Variants in GAS2L2 observed in about 807,000 individuals in gnomAD.
GAS2L2 encodes the protein growth arrest specific 2 like 2.
A neutral mutation model predicts 35.2 loss-of-function variants in GAS2L2; 21 were observed. The observed-to-expected ratio is 0.60, with a 90% CI of 0.42 to 0.86. The LOEUF is 0.86. Among genes scored for constraint, GAS2L2 ranks in the 40% least tolerant of loss-of-function variants. The pLI is 0.00. For synonymous variants in GAS2L2, 490 were observed against 473.2 expected, an observed-to-expected ratio of 1.04 and a Z score of -0.46; for missense variants, 1,169 against 1,144.4, an observed-to-expected ratio of 1.02 and a Z score of -0.31.
rs781977154 is a variant in GAS2L2 at position 35,752,534 on chromosome 17, C to G, written c.317G>C (p.Gly106Ala). 38 of 1,612,586 alleles carry G rather than the reference C, an allele frequency of 2.4e-5. No individual in the cohort carries two copies. Among genetic ancestry groups the G allele is most frequent in the Non-Finnish European group, 3.0e-5 (35 of 1,178,884 alleles). The change falls in exon 1 of 6, where the codon GGT becomes GCT. Residue 106 changes from glycine to alanine, a missense_variant. By Grantham distance (60) the Gly-to-Ala change is moderately conservative. Transcript: ENST00000604641. The stretch of plus-strand genomic sequence containing the variant: ...GACATTGTCCCTGGCCTGGAAGGTA[C>G]CTGGCTGGGCGGCCCCATTGCAGGA... The part of the protein sequence containing the change: ...GVSCNGAAQP[G>A]TFQARDNVSN...
chr17:35,751,108 C>T (rs1006349786), intron 1 of GAS2L2, among the ~76,000 whole-genome samples: 3 of 152,138 alleles, frequency 2.0e-5, no homozygotes, highest in Non-Finnish European at 2.9e-5. Flanking sequence ...GGCACAACAT[C>T]CAGTCTCATC....
chr17:35,751,452 T>G (rs1984667), intron 1 of GAS2L2, among the ~76,000 whole-genome samples: 51,391 of 151,900 alleles, frequency 0.34, 10,679 homozygotes, highest in African/African-American at 0.59. Context: ...CGGATCACTT[T>G]AGGTCAGGAG....
Position 35,745,098 on chromosome 17 carries a change from G to C in GAS2L2, c.2399C>G (p.Ala800Gly). Reference sequence around the variant, plus strand: ...CCTGGCTGGACCCAGGAAGACATAGGCCAGTGGCCTGGGGATTCGTGAAGG... The same window carrying C: ...CCTGGCTGGACCCAGGAAGACATAGCCCAGTGGCCTGGGGATTCGTGAAGG... Reference protein sequence around the residue: ...KQPSRIPRPLAYVFLGPARQP... With the variant: ...KQPSRIPRPLGYVFLGPARQP... Residue 800 changes from alanine (A) to glycine (G), a missense_variant, in exon 6 of 6, where the codon GCC becomes GGC. Transcript: ENST00000604641. 6.2e-7 allele frequency: 1 copy of C among 1,613,634 alleles called. No homozygotes were observed. The highest frequency in any genetic ancestry group is 1.3e-5 in the African/African-American group (1 of 75,066).
At chr17:35,746,651 C>T (rs1197766161) in intron 5 of GAS2L2, among the ~76,000 whole-genome samples, 7 of 152,168 alleles carry the variant, frequency 4.6e-5, no homozygotes, top group Non-Finnish European at 1.0e-4. Flanking sequence ...TAGAAGGAAG[C>T]CTGATCCTGG....
rs782352046 is a variant in GAS2L2 at position 35,750,118 on chromosome 17, G to T, written c.586C>A (p.Pro196Thr). Reference protein sequence around the residue: ...PPPDPSPPAPPRRQPCHFRNL... With the variant: ...PPPDPSPPAPTRRQPCHFRNL... ...CGGAAGTGGCAGGGCTGGCGCCTGG[G>T]GGGCGCTGGCGGCGAGGGGTCGGGC... is the stretch of plus-strand genomic sequence containing the variant. Residue 196 changes from proline to threonine, a missense_variant, in exon 2 of 6, where the codon CCC becomes ACC. Transcript: ENST00000604641. 3.1e-5 allele frequency: 49 copies of T among 1,602,078 alleles called. 1 individual carries two copies. The South Asian group carries it at 3.3e-4, about 11-fold the overall frequency.
intron 4 of GAS2L2, 137 bp downstream of exon 4, chr17:35,747,712 A>G: frequency 1.5e-6 from 1 of 684,286 alleles, no homozygotes; most frequent in Non-Finnish European, 2.6e-6. Flanking sequence ...GCCTTCCTCC[A>G]GCCTCCCCCA....
chr17:35,748,191 G>C (rs937872160), intron 3 of GAS2L2, among the ~76,000 whole-genome samples: 1 of 152,208 alleles, frequency 6.6e-6, no homozygotes, highest in Admixed American at 6.5e-5. Context: ...GGATCCCAAA[G>C]CCTGCCCCCA....
At position 35,746,217 on chromosome 17, in the gene GAS2L2, C is replaced by A. The variant is rs2085667035; in HGVS notation, c.1280G>T (p.Ser427Ile). The change falls in exon 6 of 6, where the codon AGC (serine) becomes ATC (isoleucine). Residue 427 changes from serine to isoleucine, a missense_variant. By Grantham distance (142) the Ser-to-Ile change is moderately radical (BLOSUM62 -2). Around this residue, in one of 3 missense-constraint regions of GAS2L2, gnomAD observed 1,035 missense variants for 976.5 expected, o/e 1.06. Coordinates refer to ENST00000604641, the MANE Select transcript of GAS2L2 (RefSeq NM_139285.4). ...PTSWVHEETD[S>I]WGTDAGNPTP... is the part of the protein sequence containing the mutation. ...GGGGTTCCCGGCGTCGGTTCCCCAG[C>A]TGTCTGTTTCTTCATGAACCCAAGA... is the stretch of plus-strand genomic sequence containing the variant. 1 of 1,480,198 alleles carries A rather than the reference C, an allele frequency of 6.8e-7. No homozygotes were observed. The highest frequency in any genetic ancestry group is 2.4e-5 in the Admixed American group (1 of 42,506). The allele number at this position is 1,480,198 out of a possible 1,614,324, so 91.7% of individuals were successfully genotyped here. A position where few individuals can be genotyped will look rare whatever the true frequency, so the allele number is the denominator to read the frequency against.
rs199814494 is a variant in GAS2L2 at position 35,747,049 on chromosome 17, G to C, written c.1052C>G (p.Thr351Arg). The change falls in exon 5 of 6, where the codon ACG becomes AGG. Residue 351 changes from threonine (T) to arginine (R), a missense_variant. Physicochemically the swap from Thr to Arg is moderately conservative, Grantham distance 71. This residue lies in a region of GAS2L2 where 1,035 missense variants were observed against 976.5 expected (regional missense o/e 1.06). Coordinates refer to ENST00000604641, the MANE Select transcript of GAS2L2 (RefSeq NM_139285.4). Reference sequence around the variant, plus strand: ...TGGTGCCATCTCTCTGGAGGCCCCCGTCCCTGCTCCCCGTTCCCTGCGGGG... The same window carrying C: ...TGGTGCCATCTCTCTGGAGGCCCCCCTCCCTGCTCCCCGTTCCCTGCGGGG... ...PRPRRERGAG[T>R]GASREMAPFL... The C allele has an allele frequency of 1.3e-6, 2 of 1,599,508 alleles. No individual in the cohort carries two copies. Among genetic ancestry groups the C allele is most frequent in the South Asian group, 2.2e-5 (2 of 89,236 alleles).
chr17:35,749,041 G>T, intron 3 of GAS2L2, 69 bp downstream of exon 3: 1 of 934,210 alleles, frequency 1.1e-6, no homozygotes, highest in Non-Finnish European at 1.7e-6. Context: ...GGGAGACTTA[G>T]TGTCATTGTC....
intron 1 of GAS2L2, 47 bp downstream of exon 1, chr17:35,752,419 C>A: frequency 6.6e-7 from 1 of 1,523,838 alleles, no homozygotes; most frequent in South Asian, 1.3e-5. Flanking sequence ...GACCAATACC[C>A]CCCAAGATAA....
chr17:35,744,786 C>T lies in GAS2L2; in HGVS notation c.*68G>A, dbSNP rs879992285. On this transcript the variant is annotated 3_prime_UTR_variant, in exon 6 of 6. Coordinates refer to ENST00000604641, the MANE Select transcript of GAS2L2 (RefSeq NM_139285.4). Reference sequence around the variant, plus strand: ...TGAGGGAACATCCCTTCTGTTCCCGCAGCTGTGAATCCAGTGTATACATGG... The same window carrying T: ...TGAGGGAACATCCCTTCTGTTCCCGTAGCTGTGAATCCAGTGTATACATGG... The T allele has an allele frequency of 2.7e-5, 33 of 1,221,632 alleles. No homozygotes were observed. The South Asian group carries it at 3.7e-4, about 14-fold the overall frequency. 75.7% of individuals were successfully genotyped at this position (1,221,632 alleles called of 1,614,324 possible).
In GAS2L2 at chr17:35,752,731, C is replaced by T. The variant is rs587635211; in HGVS notation, c.120G>A (p.Glu40=). ...CCAGCCCATAGAGGTCGCGAAGCCA[C>T]TCAGCCAGGTCTTCCTTCATGGCCT... ...YLEAMKEDLA[E]WLRDLYGLDI... Residue 40 remains glutamate, a synonymous_variant, in exon 1 of 6, where the codon GAG becomes GAA. Transcript: ENST00000604641. 1.2e-5 allele frequency: 20 copies of T among 1,614,020 alleles called. No individual in the cohort carries two copies. The highest frequency in any genetic ancestry group is 1.1e-5 in the South Asian group (1 of 91,090).
At chr17:35,749,927 C>T (rs2085692332) in intron 2 of GAS2L2, 150 bp downstream of exon 2, 3 of 723,526 alleles carry the variant, frequency 4.1e-6, no homozygotes, top group Non-Finnish European at 4.6e-6. Flanking sequence ...AGAGTGGAAC[C>T]GTGCCTTAAA....
At chr17:35,747,299 AG>A in intron 4 of GAS2L2, 31 bp from the exon 5 acceptor site, 1 of 1,581,340 alleles carries the variant, frequency 6.3e-7, no homozygotes, top group Non-Finnish European at 8.6e-7. Context: ...AAAGGAGAGG[AG>A]AGAAGGGTTC....
Position 35,752,872 on chromosome 17 carries a change from G to C in GAS2L2, c.-22C>G. 1 of 1,568,248 alleles carries C rather than the reference G, an allele frequency of 6.4e-7. No homozygotes were observed. The highest frequency in any genetic ancestry group is 8.7e-7 in the Non-Finnish European group (1 of 1,154,760). On this transcript the variant is annotated 5_prime_UTR_variant, in exon 1 of 6. Transcript: ENST00000604641. ...ACATGGCTGGACCCCAGCAGGGCAG[G>C]AGGTGGGCACCTCCCCTCTCCCACT...
Position 35,744,831 on chromosome 17 carries a change from C to T in GAS2L2, c.*23G>A, listed in dbSNP as rs1555598547. 6 of 1,530,998 alleles carry T rather than the reference C, an allele frequency of 3.9e-6. No homozygotes were observed. The Admixed American group carries it at 8.0e-5, about 21-fold the overall frequency. 94.8% of individuals were successfully genotyped at this position (1,530,998 alleles called of 1,614,324 possible). A position where few individuals can be genotyped will look rare whatever the true frequency, so the allele number is the denominator to read the frequency against. On this transcript the variant is annotated 3_prime_UTR_variant, in exon 6 of 6. Transcript: ENST00000604641. ...ACATGGCCATCCTTTTTGCTTCCCTCCTACCCAACACGCTCATGTGCCTCA... is the reference window on the plus strand; with the variant it reads ...ACATGGCCATCCTTTTTGCTTCCCTTCTACCCAACACGCTCATGTGCCTCA...
Position 35,752,890 on chromosome 17 carries a change from C to T in GAS2L2, c.-40G>A. The T allele has an allele frequency of 1.3e-6, 2 of 1,537,242 alleles. No homozygotes were observed. Among genetic ancestry groups the T allele is most frequent in the Non-Finnish European group, 1.7e-6 (2 of 1,143,106 alleles). On this transcript the variant is annotated 5_prime_UTR_variant, in exon 1 of 6. Coordinates refer to ENST00000604641, the MANE Select transcript of GAS2L2 (RefSeq NM_139285.4). ...AGGGCAGGAGGTGGGCACCTCCCCTCTCCCACTGCCGCCTCTTTCCTCCCG... is the reference window on the plus strand; with the variant it reads ...AGGGCAGGAGGTGGGCACCTCCCCTTTCCCACTGCCGCCTCTTTCCTCCCG...
In GAS2L2 at chr17:35,752,803, CG is replaced by C; in HGVS notation, c.47del (p.Pro16ArgfsTer19). The C allele has an allele frequency of 6.2e-7, 1 of 1,612,762 alleles. No homozygotes were observed. The highest frequency in any genetic ancestry group is 8.5e-7 in the Non-Finnish European group (1 of 1,179,506). On this transcript the variant is annotated frameshift_variant, in exon 1 of 6. Transcript: ENST00000604641. LOFTEE classifies it high-confidence loss of function. ...TGAAAGGCCGGATACTGCACACAGG[CG>C]GCCCTAGGGTCCTGGGCTTCCTCCT... Reference protein sequence around the residue: ...GGRRKPRTLGPPVCSIRPFKS... With the variant: ...GGRRKPRTLGXPVCSIRPFKS...
Sources: allele counts gnomAD v4.1 joint callset (sites outside exome capture counted in the v4.1 genomes callset), GRCh38; gene constraint gnomAD v4.1.1; regional missense constraint gnomAD v4.1.1; transcripts MANE v1.5; gene names NCBI Gene and HGNC (gene_info 2026-07-23, HGNC 2026-07-21).